Variants in AGBL1 observed in about 807,000 individuals in gnomAD.
The protein encoded by AGBL1 is AGBL carboxypeptidase 1.
In AGBL1, 130 loss-of-function variants were observed where a neutral mutation model predicts 118.9. That is an observed-to-expected ratio of 1.09 (90% CI 0.95 to 1.26). The LOEUF is 1.26. Among genes scored for constraint, AGBL1 ranks in the 50% most tolerant of loss-of-function variants. The probability of loss-of-function intolerance (pLI) is 0.00; values close to 1 mark genes in which losing one functional copy is unlikely to be tolerated. For synonymous variants in AGBL1, 555 were observed against 478.9 expected, an observed-to-expected ratio of 1.16 and a Z score of -2.08; for missense variants, 1,584 against 1,298.1, an observed-to-expected ratio of 1.22 and a Z score of -3.38.
At position 86,915,328 on chromosome 15, in the gene AGBL1, A is replaced by G. The variant is rs2080405595; in HGVS notation, c.*8034A>G. On this transcript the variant is annotated 3_prime_UTR_variant, in exon 23 of 23. Coordinates refer to ENST00000614907, the MANE Select transcript of AGBL1 (RefSeq NM_001386094.1). ...AGTGACCTCCCATGGTCTTAAGGAT[A>G]AAATGCAGACAGGACCTAGTGCTTG... 1 of 152,226 alleles carries G rather than the reference A, an allele frequency of 6.6e-6. No homozygotes were observed. The highest frequency in any genetic ancestry group is 1.5e-5 in the Non-Finnish European group (1 of 68,050). The allele number at this position is 152,226 out of a possible 1,614,324, so 9.4% of individuals were successfully genotyped here.
intron 22 of AGBL1, among the ~76,000 whole-genome samples, chr15:86,743,222 C>T (rs2077704849): frequency 1.3e-5 from 2 of 151,968 alleles, no homozygotes; most frequent in South Asian, 4.2e-4. Context: ...TCTTAAAATT[C>T]ATCTACTTAA....
chr15:86,240,950 T>G (rs964539978), intron 6 of AGBL1, among the ~76,000 whole-genome samples: 4 of 152,168 alleles, frequency 2.6e-5, no homozygotes, highest in Non-Finnish European at 5.9e-5. Flanking sequence ...CTTAGAAGAT[T>G]AACTAATCTC....
intron 22 of AGBL1, among the ~76,000 whole-genome samples, chr15:86,705,956 A>T (rs1323890199): frequency 1.4e-5 from 2 of 142,662 alleles, no homozygotes; most frequent in Non-Finnish European, 3.0e-5. Context: ...CATCTCTCTT[A>T]CTTCATCTTT....
chr15:86,188,580 C>T (rs926833461), intron 5 of AGBL1, among the ~76,000 whole-genome samples: 6 of 152,188 alleles, frequency 3.9e-5, no homozygotes, highest in Non-Finnish European at 8.8e-5. Context: ...ACATCTTGAA[C>T]ACAACAGTGC....
chr15:86,551,296 A>T (rs1381421021), intron 20 of AGBL1, among the ~76,000 whole-genome samples: 1 of 152,150 alleles, frequency 6.6e-6, no homozygotes, highest in African/African-American at 2.4e-5. Flanking sequence ...TTCATTCAAT[A>T]ATTCATAATT....
chr15:86,442,713 C>A (rs2082079168), intron 18 of AGBL1, among the ~76,000 whole-genome samples: 1 of 152,248 alleles, frequency 6.6e-6, no homozygotes, highest in South Asian at 2.1e-4. Flanking sequence ...TCTTATAGCT[C>A]TGGTGGATTA....
At chr15:86,817,292 G>GAAA (rs1214679240) in intron 22 of AGBL1, among the ~76,000 whole-genome samples, 131 of 92,400 alleles carry the variant, frequency 1.4e-3, no homozygotes, top group African/African-American at 5.1e-3. Context: ...AACTCCATCT[G>GAAA]GAAAAAAAAA....
At chr15:86,891,592 A>AT (rs1436921636) in intron 22 of AGBL1, among the ~76,000 whole-genome samples, 1 of 151,410 alleles carries the variant, frequency 6.6e-6, no homozygotes, top group Non-Finnish European at 1.5e-5. Context: ...AAAAAAAAAA[A>AT]CAAGCAAGGG....
chr15:86,262,824 G>A lies in AGBL1; in HGVS notation c.1016G>A (p.Gly339Asp). Residue 339 changes from glycine to aspartate, a missense_variant, in exon 10 of 23, where the codon GGT (glycine) becomes GAT (aspartate). Physicochemically the swap from Gly to Asp is moderately conservative, Grantham distance 94. Coordinates refer to ENST00000614907, the MANE Select transcript of AGBL1 (RefSeq NM_001386094.1). The stretch of plus-strand genomic sequence containing the variant: ...GTGAACAAGCTGAGTTCCAAACCTG[G>A]TCTTGACCGACCTGAAGAGGAACTG... ...TDVNKLSSKP[G>D]LDRPEEELMQ... 1 of 1,611,372 alleles carries A rather than the reference G, an allele frequency of 6.2e-7. No homozygotes were observed. Among genetic ancestry groups the A allele is most frequent in the Non-Finnish European group, 8.5e-7 (1 of 1,178,838 alleles).
chr15:86,691,733 T>G (rs1160218444), intron 22 of AGBL1, among the ~76,000 whole-genome samples: 1 of 152,150 alleles, frequency 6.6e-6, no homozygotes, highest in Non-Finnish European at 1.5e-5. Flanking sequence ...CCTTTTCTTT[T>G]CCCATCTGCC....
In AGBL1 at chr15:86,223,684, G is replaced by A. The variant is rs560007529; in HGVS notation, c.489-1230G>A. On this transcript the variant is annotated intron_variant, in intron 5 of 22. Transcript: ENST00000614907. The stretch of plus-strand genomic sequence containing the variant: ...GTCATTTTGGTCTCCCTGAGTGGGG[G>A]TGTCATCCCAGTTGTGGGTTTGCAC... Among the ~76,000 whole-genome samples, 27 of 152,288 alleles carry A rather than the reference G, an allele frequency of 1.8e-4. No individual in the cohort carries two copies. The East Asian group carries it at 5.2e-3, about 29-fold the overall frequency.
At chr15:86,386,409 A>C (rs1377404383) in intron 17 of AGBL1, among the ~76,000 whole-genome samples, 1 of 149,570 alleles carries the variant, frequency 6.7e-6, no homozygotes, top group Non-Finnish European at 1.5e-5. Context: ...ATTTTATGCT[A>C]GACGAGGGGT....
chr15:86,698,458 T>A (rs2086300194), intron 22 of AGBL1, among the ~76,000 whole-genome samples: 1 of 151,938 alleles, frequency 6.6e-6, no homozygotes, highest in Non-Finnish European at 1.5e-5. Context: ...TTCTTTCCCT[T>A]CCCTATACCA....
At chr15:86,108,942 G>A (rs1034358690) in intron 1 of AGBL1, among the ~76,000 whole-genome samples, 43 of 152,268 alleles carry the variant, frequency 2.8e-4, no homozygotes, top group African/African-American at 1.0e-3. Context: ...GGGCAACAGA[G>A]CAAGACTCCA....
chr15:86,546,698 C>T (rs1042735014), intron 20 of AGBL1, among the ~76,000 whole-genome samples: 1 of 152,118 alleles, frequency 6.6e-6, no homozygotes, highest in African/African-American at 2.4e-5. Flanking sequence ...TTCTATTTTA[C>T]TTTAGTTTTA....
chr15:86,210,310 G>A (rs1038352320), intron 5 of AGBL1, among the ~76,000 whole-genome samples: 3 of 152,038 alleles, frequency 2.0e-5, no homozygotes, highest in Non-Finnish European at 2.9e-5. Context: ...TGCTCTTCTC[G>A]AGGAGTATCT....
chr15:87,010,221 G>A (rs1366391396), intron 24 of AGBL1, among the ~76,000 whole-genome samples: 1 of 152,146 alleles, frequency 6.6e-6, no homozygotes, highest in South Asian at 2.1e-4. Flanking sequence ...TCTCATGATA[G>A]TGAATAAGTC....
chr15:86,214,055 T>G (rs2078145402), intron 5 of AGBL1, among the ~76,000 whole-genome samples: 1 of 152,242 alleles, frequency 6.6e-6, no homozygotes, highest in South Asian at 2.1e-4. Flanking sequence ...TTTGAAATGC[T>G]AGTTGCATTC....
intron 21 of AGBL1, among the ~76,000 whole-genome samples, chr15:86,663,877 C>G (rs2085592924): frequency 6.6e-6 from 1 of 152,108 alleles, no homozygotes; most frequent in South Asian, 2.1e-4. Context: ...TTGGCTTGAT[C>G]AGACTCTAGG....
Sources: gnomAD v4.1 joint callset for allele counts (sites outside exome capture counted in the v4.1 genomes callset) on GRCh38, gnomAD v4.1.1 for gene constraint, MANE v1.5 for transcripts, NCBI Gene and HGNC (gene_info 2026-07-23, HGNC 2026-07-21) for gene names.